Variants in VWA8 observed in about 807,000 individuals in gnomAD.
VWA8 encodes the protein von Willebrand factor A domain containing 8.
A neutral mutation model predicts 241.5 loss-of-function variants in VWA8; 221 were observed. That is an observed-to-expected ratio of 0.91 (90% CI 0.82 to 1.02). VWA8 has a LOEUF of 1.02. Ranked by LOEUF, VWA8 falls within the 50% of genes least tolerant of loss-of-function variation. The pLI is 0.00. For synonymous variants in VWA8, 852 were observed against 827.1 expected (o/e 1.03, Z -0.52); for missense variants, 2,322 against 2,328.7 (o/e 1.00, Z 0.06).
chr13:41,659,372 T>C (rs541926597), intron 37 of VWA8, among the ~76,000 whole-genome samples: 22 of 152,362 alleles, frequency 1.4e-4, no homozygotes, highest in Non-Finnish European at 7.3e-5. Context: ...TAACAGTACC[T>C]TTCATATAGT....
At chr13:41,889,830 T>A (rs914373714) in intron 5 of VWA8, among the ~76,000 whole-genome samples, 1 of 152,130 alleles carries the variant, frequency 6.6e-6, no homozygotes, top group Admixed American at 6.5e-5. Flanking sequence ...ATTCTGAGTA[T>A]TTTTTTTCCA....
chr13:41,647,987 T>G (rs1034855220), intron 37 of VWA8, among the ~76,000 whole-genome samples: 2 of 150,978 alleles, frequency 1.3e-5, no homozygotes, highest in African/African-American at 4.9e-5. Flanking sequence ...AGACTTTGTC[T>G]CAGGAAAAAA....
At chr13:41,881,901 G>C (rs1353727419) in intron 9 of VWA8, among the ~76,000 whole-genome samples, 1 of 147,724 alleles carries the variant, frequency 6.8e-6, no homozygotes, top group Non-Finnish European at 1.5e-5. Flanking sequence ...GGCCTGGCGG[G>C]GGCTGACCCC....
At chr13:41,612,327 A>C (rs889228609) in intron 38 of VWA8, among the ~76,000 whole-genome samples, 14 of 152,350 alleles carry the variant, frequency 9.2e-5, no homozygotes, top group African/African-American at 3.4e-4. Context: ...CAATTATTAC[A>C]CCAACTTTGA....
At chr13:41,693,912 G>C (rs936269304) in intron 29 of VWA8, among the ~76,000 whole-genome samples, 2 of 151,746 alleles carry the variant, frequency 1.3e-5, no homozygotes, top group Non-Finnish European at 2.9e-5. Context: ...TTCTTTCTTT[G>C]TTTTATTTTA....
At chr13:41,889,580 T>C (rs1204717798) in intron 5 of VWA8, among the ~76,000 whole-genome samples, 3 of 152,120 alleles carry the variant, frequency 2.0e-5, no homozygotes, top group Non-Finnish European at 4.4e-5. Context: ...GGTTTTACCA[T>C]GTTGGCCAGG....
At position 41,770,676 on chromosome 13, in the gene VWA8, A is replaced by G. The variant is rs917890983; in HGVS notation, c.2349+7309T>C. 6.6e-5 allele frequency among the ~76,000 whole-genome samples: 10 copies of G among 152,032 alleles called. No homozygotes were observed. The East Asian group carries it at 1.9e-3, about 29-fold the overall frequency. On this transcript the variant is annotated intron_variant, in intron 20 of 44. Coordinates refer to ENST00000379310, the MANE Select transcript of VWA8 (RefSeq NM_015058.2). Reference sequence around the variant, plus strand: ...TCATAGAATTGAAATGAGTACCTACAGACTCAGTAATGTAAAAACATGAAG... The same window carrying G: ...TCATAGAATTGAAATGAGTACCTACGGACTCAGTAATGTAAAAACATGAAG...
At chr13:41,641,163 G>A (rs2139681427) in intron 37 of VWA8, among the ~76,000 whole-genome samples, 1 of 152,258 alleles carries the variant, frequency 6.6e-6, no homozygotes, top group South Asian at 2.1e-4. Context: ...GAATGAGGAG[G>A]ACTGGCAGGA....
intron 37 of VWA8, among the ~76,000 whole-genome samples, chr13:41,633,717 C>T (rs12868993): frequency 0.032 from 4,925 of 152,218 alleles, 89 homozygotes; most frequent in South Asian, 0.078. Flanking sequence ...ATCACTGATA[C>T]TGAGCTGCAT....
chr13:41,769,167 G>A (rs115895167), intron 20 of VWA8, among the ~76,000 whole-genome samples: 1,788 of 152,282 alleles, frequency 0.012, 36 homozygotes, highest in African/African-American at 0.038. Flanking sequence ...TCGGACTCCC[G>A]AAGTGCTGGG....
intron 18 of VWA8, among the ~76,000 whole-genome samples, chr13:41,784,658 G>GTCTCTC (rs57574031): frequency 0.012 from 1,267 of 103,532 alleles, 11 homozygotes; most frequent in Middle Eastern, 0.043. Context: ...GTGCAACCTT[G>GTCTCTC]TCTCTCTCTC....
chr13:41,942,316 A>C (rs1877637625), intron 2 of VWA8, among the ~76,000 whole-genome samples: 1 of 152,244 alleles, frequency 6.6e-6, no homozygotes, highest in Non-Finnish European at 1.5e-5. Flanking sequence ...CCAAACTAAC[A>C]ACCAGAATAA....
chr13:41,827,454 G>A (rs1871227482), intron 14 of VWA8, among the ~76,000 whole-genome samples: 1 of 152,154 alleles, frequency 6.6e-6, no homozygotes, highest in African/African-American at 2.4e-5. Flanking sequence ...AAAACCTGAA[G>A]TTTGAAAGTA....
At chr13:41,863,443 A>ATG (rs1873128131) in intron 12 of VWA8, among the ~76,000 whole-genome samples, 1 of 110,846 alleles carries the variant, frequency 9.0e-6, no homozygotes, top group African/African-American at 3.0e-5. Flanking sequence ...GTATATATAT[A>ATG]TATATATATA....
intron 21 of VWA8, among the ~76,000 whole-genome samples, chr13:41,749,434 G>A (rs1016346261): frequency 1.3e-5 from 2 of 152,102 alleles, no homozygotes; most frequent in Admixed American, 6.6e-5. Context: ...AACCATTGTG[G>A]AAGTCGGTGT....
At chr13:41,927,390 G>A in intron 2 of VWA8, 1 of 496,886 alleles carries the variant, frequency 2.0e-6, no homozygotes, top group Non-Finnish European at 4.1e-6. Flanking sequence ...AAGCATCTTT[G>A]CACATCTGCA....
intron 37 of VWA8, among the ~76,000 whole-genome samples, chr13:41,646,744 C>A (rs1382729509): frequency 6.6e-6 from 1 of 152,214 alleles, no homozygotes; most frequent in Non-Finnish European, 1.5e-5. Flanking sequence ...TTATAGAAAG[C>A]ACTGTATACA....
intron 4 of VWA8, among the ~76,000 whole-genome samples, chr13:41,903,300 A>G (rs1593858333): frequency 6.6e-6 from 1 of 152,168 alleles, no homozygotes; most frequent in Admixed American, 6.6e-5. Context: ...TAAAATTGTA[A>G]TAAAGTTGAT....
At chr13:41,570,301 A>G (rs2139629460) in intron 44 of VWA8, among the ~76,000 whole-genome samples, 167 bp downstream of exon 44, 1 of 152,336 alleles carries the variant, frequency 6.6e-6, no homozygotes, top group Middle Eastern at 3.4e-3. Flanking sequence ...AAGCTAGAAC[A>G]TATCCCCTCA....
Sources: allele counts gnomAD v4.1 joint callset (sites outside exome capture counted in the v4.1 genomes callset), GRCh38; gene constraint gnomAD v4.1.1; transcripts MANE v1.5; gene names NCBI Gene and HGNC (gene_info 2026-07-23, HGNC 2026-07-21).